The following CDKAL1 variants were observed in gnomAD, a reference collection of about 807,000 sequenced individuals.
CDKAL1 encodes the protein CDKAL1 threonylcarbamoyladenosine tRNA methylthiotransferase.
In CDKAL1, 32 loss-of-function variants were observed where a neutral mutation model predicts 68.2. The ratio of observed to expected loss-of-function variants is 0.47; its 90% CI spans 0.35 to 0.63. The LOEUF (loss-of-function observed/expected upper bound fraction) is 0.63. Among genes scored for constraint, CDKAL1 ranks in the 30% least tolerant of loss-of-function variants. The pLI is 0.00. For synonymous variants in CDKAL1, 234 were observed against 244.3 expected (o/e 0.96, Z 0.39); for missense variants, 606 against 696.7 (o/e 0.87, Z 1.47).
chr6:21,015,965 A>C (rs1768306918), intron 11 of CDKAL1, among the ~76,000 whole-genome samples: 2 of 151,210 alleles, frequency 1.3e-5, no homozygotes, highest in Non-Finnish European at 2.9e-5. Context: ...AAAAAAAAAG[A>C]AAGAATCATG....
At chr6:20,984,970 CT>C (rs1466294869) in intron 10 of CDKAL1, among the ~76,000 whole-genome samples, 1 of 152,140 alleles carries the variant, frequency 6.6e-6, no homozygotes, top group African/African-American at 2.4e-5. Flanking sequence ...CCTGCCTCCC[CT>C]CCCTATCACT....
At chr6:21,075,277 C>T (rs934308969) in intron 12 of CDKAL1, among the ~76,000 whole-genome samples, 6 of 144,098 alleles carry the variant, frequency 4.2e-5, no homozygotes, top group Non-Finnish European at 9.2e-5. Flanking sequence ...TAAGTATACT[C>T]TCCCCGTCAT....
At chr6:21,184,387 G>T (rs921567141) in intron 13 of CDKAL1, among the ~76,000 whole-genome samples, 2 of 152,042 alleles carry the variant, frequency 1.3e-5, no homozygotes, top group African/African-American at 4.8e-5. Context: ...TAGACATGGG[G>T]TTTCACCATG....
At chr6:21,201,012 C>T in intron 14 of CDKAL1, 98 bp from the exon 15 acceptor site, 2 of 1,114,926 alleles carry the variant, frequency 1.8e-6, no homozygotes, top group Non-Finnish European at 2.6e-6. Context: ...TACAGGAGCT[C>T]TCCATACTAT....
intron 5 of CDKAL1, among the ~76,000 whole-genome samples, chr6:20,651,584 A>G (rs896110334): frequency 2.0e-5 from 3 of 151,994 alleles, no homozygotes; most frequent in African/African-American, 7.3e-5. Context: ...AGAACTTCCA[A>G]TGCTGTGTTG....
At chr6:20,705,672 A>G (rs547480433) in intron 5 of CDKAL1, among the ~76,000 whole-genome samples, 1 of 152,304 alleles carries the variant, frequency 6.6e-6, no homozygotes, top group South Asian at 2.1e-4. Flanking sequence ...GGAGAACCAT[A>G]TATAGGGTAT....
chr6:21,148,932 CTTA>C (rs747650924), intron 13 of CDKAL1, among the ~76,000 whole-genome samples: 3 of 152,042 alleles, frequency 2.0e-5, no homozygotes, highest in Non-Finnish European at 4.4e-5. Context: ...AGTTAAAAGT[CTTA>C]TTATACTAGG....
intron 13 of CDKAL1, among the ~76,000 whole-genome samples, chr6:21,133,764 C>G (rs996167328): frequency 1.2e-4 from 18 of 152,066 alleles, no homozygotes; most frequent in African/African-American, 4.3e-4. Context: ...TAATATGCGA[C>G]CCATTAATGC....
At chr6:21,102,704 T>C (rs1253136168) in intron 12 of CDKAL1, among the ~76,000 whole-genome samples, 1 of 152,192 alleles carries the variant, frequency 6.6e-6, no homozygotes, top group Non-Finnish European at 1.5e-5. Context: ...TTACCTGGAA[T>C]TGCACTCCAG....
intron 9 of CDKAL1, among the ~76,000 whole-genome samples, chr6:20,936,788 C>T (rs986775658): frequency 1.3e-5 from 2 of 152,084 alleles, no homozygotes; most frequent in East Asian, 1.9e-4. Context: ...TTTAGAAGCA[C>T]CATAACAGTA....
At chr6:20,875,456 A>G (rs938796759) in intron 9 of CDKAL1, among the ~76,000 whole-genome samples, 1 of 152,230 alleles carries the variant, frequency 6.6e-6, no homozygotes, top group Non-Finnish European at 1.5e-5. Flanking sequence ...GATAAAAGAA[A>G]AAAAATAGTG....
At chr6:20,620,565 C>T (rs1767136223) in intron 4 of CDKAL1, among the ~76,000 whole-genome samples, 1 of 152,114 alleles carries the variant, frequency 6.6e-6, no homozygotes, top group African/African-American at 2.4e-5. Flanking sequence ...GGATTTGAAG[C>T]TACATTTCTG....
chr6:21,022,511 T>A (rs1417570546), intron 11 of CDKAL1, among the ~76,000 whole-genome samples: 1 of 152,200 alleles, frequency 6.6e-6, no homozygotes, highest in Non-Finnish European at 1.5e-5. Flanking sequence ...ATTTAAGTTG[T>A]CAAGAGAGCT....
intron 3 of CDKAL1, among the ~76,000 whole-genome samples, chr6:20,548,276 G>C (rs1307841416): frequency 1.3e-5 from 2 of 152,118 alleles, no homozygotes; most frequent in Non-Finnish European, 2.9e-5. Flanking sequence ...GCTCATGCCT[G>C]TAATTCCAGC....
At chr6:20,656,254 G>C (rs1769020351) in intron 5 of CDKAL1, among the ~76,000 whole-genome samples, 1 of 152,166 alleles carries the variant, frequency 6.6e-6, no homozygotes, top group South Asian at 2.1e-4. Flanking sequence ...GTCAACACTA[G>C]AAACACAAAT....
chr6:21,043,469 T>C (rs1770047948), intron 11 of CDKAL1, among the ~76,000 whole-genome samples: 1 of 152,122 alleles, frequency 6.6e-6, no homozygotes, highest in African/African-American at 2.4e-5. Context: ...TTACTCTACT[T>C]AGAGATATTT....
chr6:20,745,050 G>T (rs1773606586), intron 6 of CDKAL1, among the ~76,000 whole-genome samples: 1 of 152,264 alleles, frequency 6.6e-6, no homozygotes, highest in African/African-American at 2.4e-5. Flanking sequence ...CCAGCTGTGA[G>T]CCCTGCAGGC....
chr6:21,069,774 CTTTTTTTTTT>C (rs60241965), intron 12 of CDKAL1, among the ~76,000 whole-genome samples: 7 of 69,948 alleles, frequency 1.0e-4, no homozygotes, highest in South Asian at 5.1e-4. Context: ...GATTTTCTTT[CTTTTTTTTTT>C]TTTTTTTTTT....
Position 21,197,200 on chromosome 6 carries a change from G to A in CDKAL1, c.1300-821G>A, listed in dbSNP as rs183575227. Among the ~76,000 whole-genome samples, 246 of 151,840 alleles carry A rather than the reference G, an allele frequency of 1.6e-3. 2 individuals carry two copies. The highest frequency in any genetic ancestry group is 5.3e-3 in the African/African-American group (221 of 41,438). On this transcript the variant is annotated intron_variant, in intron 13 of 15. Transcript: ENST00000274695. ...ATAATAATAATACTTGATACCTTAA[G>A]TGCTGCATTTCACAGTAGAATAAAC...
Sources: allele counts gnomAD v4.1 joint callset (sites outside exome capture counted in the v4.1 genomes callset), GRCh38; gene constraint gnomAD v4.1.1; transcripts MANE v1.5; gene names NCBI Gene and HGNC (gene_info 2026-07-23, HGNC 2026-07-21).